Variants in ZNF257 observed in about 807,000 individuals in gnomAD.
The protein encoded by ZNF257 is bone marrow zinc finger 4.
Under a neutral mutation model 11.9 loss-of-function variants are expected in ZNF257, and 12 were observed. That is an observed-to-expected ratio of 1.01 (90% CI 0.65 to 1.63). ZNF257 has a LOEUF of 1.63. Ranked by LOEUF, ZNF257 falls within the 40% of genes most tolerant of loss-of-function variation. The probability of loss-of-function intolerance (pLI) is 0.00; values close to 1 mark genes in which losing one functional copy is unlikely to be tolerated. For missense variants in ZNF257, 580 were observed against 665.5 expected (o/e 0.87, Z 1.41); for synonymous variants, 183 against 222.7 (o/e 0.82, Z 1.59).
At chr19:22,063,090 G>A (rs1288012818) in intron 1 of ZNF257, among the ~76,000 whole-genome samples, 1 of 152,064 alleles carries the variant, frequency 6.6e-6, no homozygotes, top group East Asian at 1.9e-4. Flanking sequence ...TTTGTGTTCA[G>A]TCTTGGCAGG....
rs2022540056 is a variant in ZNF257 at position 22,088,606 on chromosome 19, AAATATGATGAATGT to A, written c.857_870del (p.Lys286MetfsTer5). On this transcript the variant is annotated frameshift_variant, in exon 4 of 4. Coordinates refer to ENST00000594947, the MANE Select transcript of ZNF257 (RefSeq NM_033468.4). LOFTEE classifies it low-confidence loss of function (END_TRUNC). The stretch of plus-strand genomic sequence containing the variant: ...AATTCATAATAGAGAGAAGCCCTTC[AAATATGATGAATGT>A]TGCAAAGCCTTTAAGTGGTCCTCAG... 6.2e-7 allele frequency: 1 copy of A among 1,613,174 alleles called. No individual in the cohort carries two copies. The highest frequency in any genetic ancestry group is 1.3e-5 in the African/African-American group (1 of 74,628).
At position 22,088,216 on chromosome 19, in the gene ZNF257, A is replaced by G; in HGVS notation, c.466A>G (p.Lys156Glu). Residue 156 changes from lysine to glutamate, a missense_variant, in exon 4 of 4, where the codon AAG becomes GAG. Coordinates refer to ENST00000594947, the MANE Select transcript of ZNF257 (RefSeq NM_033468.4). The part of the protein sequence containing the change: ...QCDKYVKVFY[K>E]FSNSDRHKIR... ...TGATAAATATGTAAAAGTCTTCTAT[A>G]AGTTTTCAAATTCAGATAGACATAA... 1.9e-6 allele frequency: 3 copies of G among 1,608,496 alleles called. No individual in the cohort carries two copies. The highest frequency in any genetic ancestry group is 2.5e-6 in the Non-Finnish European group (3 of 1,177,952).
chr19:22,066,902 A>G (rs1172991297), intron 1 of ZNF257, among the ~76,000 whole-genome samples: 1 of 152,120 alleles, frequency 6.6e-6, no homozygotes, highest in African/African-American at 2.4e-5. Flanking sequence ...TTCTAGGTTA[A>G]TTGTGTAATA....
chr19:22,062,223 C>CTT lies in ZNF257; in HGVS notation c.3+9607_3+9608dup, dbSNP rs34283330. On this transcript the variant is annotated intron_variant, in intron 1 of 3. Coordinates refer to ENST00000594947, the MANE Select transcript of ZNF257 (RefSeq NM_033468.4). Reference sequence around the variant, plus strand: ...TTGCAGGCACCCACCACTGCGCCTGCTTTTTTTTTTTTTTTTTTTTGAGAC... The same window carrying CTT: ...TTGCAGGCACCCACCACTGCGCCTGCTTTTTTTTTTTTTTTTTTTTTTGAGAC... 6.6e-3 allele frequency among the ~76,000 whole-genome samples: 672 copies of CTT among 101,712 alleles called. 17 individuals are homozygous for CTT. The highest frequency in any genetic ancestry group is 0.017 in the South Asian group (45 of 2,696). The allele number at this position is 101,712 out of a possible 152,430, so 66.7% of individuals were successfully genotyped here.
At chr19:22,073,900 TTCTATGTTAAGC>T (rs1276339302) in intron 3 of ZNF257, among the ~76,000 whole-genome samples, 1 of 152,164 alleles carries the variant, frequency 6.6e-6, no homozygotes, top group African/African-American at 2.4e-5. Flanking sequence ...TTTTCAAAAA[TTCTATGTTAAGC>T]TATTTCTTAA....
chr19:22,081,608 A>G (rs1409231438), intron 3 of ZNF257, among the ~76,000 whole-genome samples: 4 of 152,044 alleles, frequency 2.6e-5, no homozygotes, highest in African/African-American at 9.7e-5. Context: ...GGCTCACAGC[A>G]GCTTCAGCCT....
chr19:22,085,044 T>G lies in ZNF257; in HGVS notation c.227-2933T>G, dbSNP rs370985321. On this transcript the variant is annotated intron_variant, in intron 3 of 3. Transcript: ENST00000594947. ...GTGCCTGGCCAAAGTTTTAGTTTTT[T>G]TTTTTGTTGTTGTTGTTTGTTTGTT... Among the ~76,000 whole-genome samples the G allele has an allele frequency of 5.9e-3, 879 of 150,172 alleles. 10 individuals carry two copies. The highest frequency in any genetic ancestry group is 0.019 in the African/African-American group (795 of 40,906).
Position 22,088,087 on chromosome 19 carries a change from T to G in ZNF257, c.337T>G (p.Leu113Val). The change falls in exon 4 of 4, where the codon TTA (leucine) becomes GTA (valine). Residue 113 changes from leucine (L) to valine (V), a missense_variant. Coordinates refer to ENST00000594947, the MANE Select transcript of ZNF257 (RefSeq NM_033468.4). ...YDKCEHENLQLRKGCKSVDEC... is the reference protein window; with the variant it reads ...YDKCEHENLQVRKGCKSVDEC... ...TAAATGTGAACATGAGAATTTACAA[T>G]TAAGAAAGGGCTGTAAAAGTGTGGA... 1.2e-6 allele frequency: 2 copies of G among 1,607,796 alleles called. No homozygotes were observed. Among genetic ancestry groups the G allele is most frequent in the East Asian group, 2.2e-5 (1 of 44,724 alleles).
intron 1 of ZNF257, among the ~76,000 whole-genome samples, chr19:22,065,127 G>C (rs2021910036): frequency 6.6e-6 from 1 of 151,904 alleles, no homozygotes; most frequent in East Asian, 1.9e-4. Flanking sequence ...GAATCAGATG[G>C]GCCTTTTAAT....
chr19:22,061,706 T>C (rs978266769), intron 1 of ZNF257, among the ~76,000 whole-genome samples: 1 of 152,126 alleles, frequency 6.6e-6, no homozygotes, highest in African/African-American at 2.4e-5. Flanking sequence ...ATTCTTGTCT[T>C]GTGCCATTTT....
Position 22,073,613 on chromosome 19 carries a change from C to T in ZNF257, c.226+49C>T, listed in dbSNP as rs752793968. 86 of 1,579,420 alleles carry T rather than the reference C, an allele frequency of 5.4e-5. No individual in the cohort carries two copies. The East Asian group carries it at 1.9e-3, about 34-fold the overall frequency. ...CAACAGGTGAAACAGATGAGAGATC[C>T]ACAGGTCAAGGAGAAAGCAAGTCCT... On this transcript the variant is annotated intron_variant, in intron 3 of 3. Coordinates refer to ENST00000594947, the MANE Select transcript of ZNF257 (RefSeq NM_033468.4).
intron 1 of ZNF257, among the ~76,000 whole-genome samples, chr19:22,062,925 A>C (rs2021842211): frequency 6.6e-6 from 1 of 152,186 alleles, no homozygotes; most frequent in Admixed American, 6.5e-5. Flanking sequence ...AAATGGTACT[A>C]GCTCTTTGTT....
intron 1 of ZNF257, among the ~76,000 whole-genome samples, chr19:22,057,971 AGGCT>A (rs1406959485): frequency 2.6e-5 from 4 of 152,180 alleles, no homozygotes; most frequent in Non-Finnish European, 5.9e-5. Flanking sequence ...CATGTTGGCC[AGGCT>A]GGTCTTGAAC....
At chr19:22,072,997 T>TATTTA in intron 2 of ZNF257, 62 bp downstream of exon 2, 2 of 1,433,602 alleles carry the variant, frequency 1.4e-6, no homozygotes, top group Non-Finnish European at 1.8e-6. Flanking sequence ...TTTATTTATT[T>TATTTA]TTTTTTTTGT....
In ZNF257 at chr19:22,090,500, T is replaced by TA. The variant is rs2022602776; in HGVS notation, c.*1061dup. ...CTAAAATATACTTTTGCAGATGCAA[T>TA]AAATACAAAGAAATATTTAATTCAA... On this transcript the variant is annotated 3_prime_UTR_variant, in exon 4 of 4. Transcript: ENST00000594947. The TA allele has an allele frequency of 6.6e-6, 1 of 152,124 alleles. No individual in the cohort carries two copies. Among genetic ancestry groups the TA allele is most frequent in the Non-Finnish European group, 1.5e-5 (1 of 67,992 alleles). 9.4% of individuals were successfully genotyped at this position (152,124 alleles called of 1,614,324 possible).
intron 3 of ZNF257, among the ~76,000 whole-genome samples, chr19:22,083,192 G>C (rs2022397959): frequency 6.6e-6 from 1 of 152,122 alleles, no homozygotes. Context: ...ACTACCGACA[G>C]GGTGTGGTGG....
intron 1 of ZNF257, among the ~76,000 whole-genome samples, chr19:22,060,330 G>C (rs925087741): frequency 6.6e-6 from 1 of 151,826 alleles, no homozygotes. Flanking sequence ...TTTAACTTTC[G>C]TATAATATCC....
intron 1 of ZNF257, among the ~76,000 whole-genome samples, chr19:22,063,462 ATCTT>A (rs1389565311): frequency 6.6e-6 from 1 of 152,184 alleles, no homozygotes; most frequent in African/African-American, 2.4e-5. Flanking sequence ...CTAAATTAAG[ATCTT>A]TCTAACATTT....
chr19:22,089,011 C>A lies in ZNF257; in HGVS notation c.1261C>A (p.His421Asn), dbSNP rs375198470. The A allele has an allele frequency of 7.1e-5, 115 of 1,613,184 alleles. No individual in the cohort carries two copies. The highest frequency in any genetic ancestry group is 9.2e-5 in the Non-Finnish European group (109 of 1,179,770). ...WSSALTTLTQ[H>N]KIIHTGEKPY... ...CTCAGCTCTTACTACCCTTACTCAG[C>A]ATAAGATAATTCATACTGGAGAGAA... The change falls in exon 4 of 4, where the codon CAT becomes AAT. Residue 421 changes from histidine (H) to asparagine (N), a missense_variant. Coordinates refer to ENST00000594947, the MANE Select transcript of ZNF257 (RefSeq NM_033468.4).
Sources: allele counts gnomAD v4.1 joint callset (sites outside exome capture counted in the v4.1 genomes callset), GRCh38; gene constraint gnomAD v4.1.1; transcripts MANE v1.5; gene names NCBI Gene and HGNC (gene_info 2026-07-23, HGNC 2026-07-21).